The following DUSP26 variants were observed in gnomAD, a reference collection of about 807,000 sequenced individuals.
DUSP26 encodes the protein dual specificity phosphatase 26.
Under a neutral mutation model 20.0 loss-of-function variants are expected in DUSP26, and 12 were observed. That is an observed-to-expected ratio of 0.60 (90% CI 0.38 to 0.97). The LOEUF (loss-of-function observed/expected upper bound fraction) is 0.97, where lower values mean the gene tolerates loss of function less well. Among genes scored for constraint, DUSP26 ranks in the 50% least tolerant of loss-of-function variants. DUSP26 has a pLI of 0.00. For synonymous variants in DUSP26, 120 were observed against 118.8 expected (o/e 1.01, Z -0.06); for missense variants, 230 against 294.0 (o/e 0.78, Z 1.59).
chr8:33,597,755 T>G, intron 1 of DUSP26, 164 bp from the exon 2 acceptor site: 1 of 466,646 alleles, frequency 2.1e-6, no homozygotes, highest in Non-Finnish European at 3.8e-6. Flanking sequence ...AGCAGCTCCT[T>G]TTGCTCAGCT....
At position 33,593,708 on chromosome 8, in the gene DUSP26, G is replaced by A; in HGVS notation, c.261C>T (p.Gly87=). Residue 87 remains glycine (G), a synonymous_variant, in exon 3 of 4, where the codon GGC becomes GGT. Coordinates refer to ENST00000256261, the MANE Select transcript of DUSP26 (RefSeq NM_024025.3). ...ANNRRELRRL[G]ITHVLNASHS... is the part of the protein sequence containing the mutation. ...GTGAGGCATTGAGGACGTGCGTGAT[G>A]CCCAGGCGGCGAAGCTCCCGGCGGT... is the stretch of plus-strand genomic sequence containing the variant. The A allele has an allele frequency of 3.7e-6, 6 of 1,614,200 alleles. No individual in the cohort carries two copies. Among genetic ancestry groups the A allele is most frequent in the Non-Finnish European group, 5.1e-6 (6 of 1,180,038 alleles).
At chr8:33,593,468 G>C in intron 3 of DUSP26, 65 bp downstream of exon 3, 1 of 1,561,966 alleles carries the variant, frequency 6.4e-7, no homozygotes, top group Non-Finnish European at 8.8e-7. Context: ...TCCACTCTCA[G>C]ACCCTTGGAC....
chr8:33,596,369 G>A (rs1423118787), intron 2 of DUSP26, among the ~76,000 whole-genome samples: 1 of 152,138 alleles, frequency 6.6e-6, no homozygotes, highest in African/African-American at 2.4e-5. Context: ...CCTGAGCTCA[G>A]GAGCTCAAGA....
chr8:33,595,920 G>T (rs1402682994), intron 2 of DUSP26, among the ~76,000 whole-genome samples: 1 of 152,288 alleles, frequency 6.6e-6, no homozygotes, highest in East Asian at 1.9e-4. Flanking sequence ...CTCCTCATCT[G>T]TAACCCAGGG....
At position 33,592,030 on chromosome 8, in the gene DUSP26, G is replaced by A; in HGVS notation, c.619C>T (p.Gln207Ter). The change falls in exon 4 of 4, where the codon CAG (glutamine) becomes TAG (stop). Residue 207 changes from glutamine (Q) to a stop codon, truncating the protein, a stop_gained. Coordinates refer to ENST00000256261, the MANE Select transcript of DUSP26 (RefSeq NM_024025.3). LOFTEE classifies it high-confidence loss of function. ...CCCTCCCCTCATGCTTCCAGACCCT[G>A]CCGCAGCCTGCGGTCCAGGGCCAGG... ...QLLALDRRLR[Q>*]GLEA The A allele has an allele frequency of 6.2e-7, 1 of 1,613,606 alleles. No individual in the cohort carries two copies. The highest frequency in any genetic ancestry group is 1.1e-5 in the South Asian group (1 of 91,070).
intron 2 of DUSP26, among the ~76,000 whole-genome samples, chr8:33,597,068 G>A (rs1811161345): frequency 6.6e-6 from 1 of 151,962 alleles, no homozygotes. Context: ...CAAACTGCTG[G>A]GATCACAGGC....
chr8:33,597,384 A>G lies in DUSP26; in HGVS notation c.132T>C (p.Asn44=), dbSNP rs1325108160. 1 of 1,614,142 alleles carries G rather than the reference A, an allele frequency of 6.2e-7. No individual in the cohort carries two copies. The highest frequency in any genetic ancestry group is 8.5e-7 in the Non-Finnish European group (1 of 1,180,038). ...EMPTVQHPFL[N]VFELERLLYT... is the part of the protein sequence containing the mutation. ...AGAGGAGCCGCTCCAACTCGAAGAC[A>G]TTGAGGAAAGGATGTTGAACGGTTG... The change falls in exon 2 of 4, where the codon AAT becomes AAC. Residue 44 remains asparagine (N), a synonymous_variant. Transcript: ENST00000256261.
At chr8:33,592,336 C>T (rs899342016) in intron 3 of DUSP26, 124 bp from the exon 4 acceptor site, 12 of 917,160 alleles carry the variant, frequency 1.3e-5, no homozygotes, top group African/African-American at 5.1e-5. Context: ...TTTTGGAGGC[C>T]GAAGGGGGAA....
chr8:33,599,374 C>T (rs1254489671), intron 1 of DUSP26, among the ~76,000 whole-genome samples: 1 of 152,204 alleles, frequency 6.6e-6, no homozygotes, highest in African/African-American at 2.4e-5. Context: ...AGGGATACAG[C>T]CCTGGGCATT....
In DUSP26 at chr8:33,591,847, C is replaced by T. The variant is rs1246705134; in HGVS notation, c.*166G>A. Reference sequence around the variant, plus strand: ...CACCACACTGCCCAACCTCACTCCCCGTCCCCTCCCACAAAGAGTGACAGT... The same window carrying T: ...CACCACACTGCCCAACCTCACTCCCTGTCCCCTCCCACAAAGAGTGACAGT... On this transcript the variant is annotated 3_prime_UTR_variant, in exon 4 of 4. Coordinates refer to ENST00000256261, the MANE Select transcript of DUSP26 (RefSeq NM_024025.3). 14 of 779,942 alleles carry T rather than the reference C, an allele frequency of 1.8e-5. No individual in the cohort carries two copies. Among genetic ancestry groups the T allele is most frequent in the East Asian group, 1.7e-4 (6 of 36,334 alleles). The allele number at this position is 779,942 out of a possible 1,614,324, so 48.3% of individuals were successfully genotyped here.
chr8:33,594,250 C>A (rs1811090935), intron 2 of DUSP26, among the ~76,000 whole-genome samples: 1 of 151,966 alleles, frequency 6.6e-6, no homozygotes. Flanking sequence ...GATGTTTTGC[C>A]TGGAGAAGAG....
Position 33,597,367 on chromosome 8 carries a change from C to G in DUSP26, c.149G>C (p.Arg50Pro). The G allele has an allele frequency of 6.2e-7, 1 of 1,614,028 alleles. No individual in the cohort carries two copies. The highest frequency in any genetic ancestry group is 8.5e-7 in the Non-Finnish European group (1 of 1,180,026). ...HPFLNVFELE[R>P]LLYTGKTACN... ...GGCTGTCTTGCCTGTGTAGAGGAGC[C>G]GCTCCAACTCGAAGACATTGAGGAA... Residue 50 changes from arginine to proline, a missense_variant, in exon 2 of 4, where the codon CGG (arginine) becomes CCG (proline). Physicochemically the swap from Arg to Pro is moderately radical, Grantham distance 103 (BLOSUM62 -2). Transcript: ENST00000256261.
chr8:33,599,025 TG>T (rs1811211951), intron 1 of DUSP26, among the ~76,000 whole-genome samples: 1 of 152,118 alleles, frequency 6.6e-6, no homozygotes, highest in Non-Finnish European at 1.5e-5. Flanking sequence ...GGACCAGGAT[TG>T]GTGAGGGAAG....
chr8:33,595,123 G>A (rs1287149677), intron 2 of DUSP26, among the ~76,000 whole-genome samples: 1 of 152,136 alleles, frequency 6.6e-6, no homozygotes, highest in Non-Finnish European at 1.5e-5. Flanking sequence ...TGTCCCTGGG[G>A]TATTCAGGCA....
chr8:33,595,186 C>T (rs1027451121), intron 2 of DUSP26, among the ~76,000 whole-genome samples: 2 of 152,152 alleles, frequency 1.3e-5, no homozygotes, highest in Non-Finnish European at 2.9e-5. Flanking sequence ...AAATGAATGT[C>T]AGGCAGATTG....
chr8:33,594,468 T>C (rs2128846497), intron 2 of DUSP26, among the ~76,000 whole-genome samples: 1 of 151,314 alleles, frequency 6.6e-6, no homozygotes, highest in Middle Eastern at 3.5e-3. Flanking sequence ...GGTAGGCGCC[T>C]GTAGTCCCAG....
Position 33,592,213 on chromosome 8 carries a change from C to G in DUSP26, c.437-1G>C. The G allele has an allele frequency of 6.2e-7, 1 of 1,600,720 alleles. No homozygotes were observed. The highest frequency in any genetic ancestry group is 8.5e-7 in the Non-Finnish European group (1 of 1,174,026). On this transcript the variant is annotated splice_acceptor_variant, in intron 3 of 3. Transcript: ENST00000256261. LOFTEE classifies it high-confidence loss of function. ...ACAGCACAATGCACCAGGATCTTCC[C>G]TGAGAGGAGAGACACAGAGAGAGCT...
intron 2 of DUSP26, 128 bp from the exon 3 acceptor site, chr8:33,593,875 T>C: frequency 9.1e-7 from 1 of 1,097,956 alleles, no homozygotes; most frequent in Non-Finnish European, 1.3e-6. Context: ...CTCGCTCTGT[T>C]TCCTAGGCCA....
Position 33,595,383 on chromosome 8 carries a change from T to TG in DUSP26, c.222-1637_222-1636insC, listed in dbSNP as rs1225010078. On this transcript the variant is annotated intron_variant, in intron 2 of 3. Transcript: ENST00000256261. ...TTTGTTGTTGTTGTTGTTGTTTGTT[T>TG]TTTTTTTTGAGATGGTGTCTTGCTC... 9.2e-5 allele frequency among the ~76,000 whole-genome samples: 14 copies of TG among 151,824 alleles called. No individual in the cohort carries two copies. In the East Asian group the frequency reaches 2.3e-3, roughly 25 times the overall value.
Sources: gnomAD v4.1 joint callset for allele counts (sites outside exome capture counted in the v4.1 genomes callset) on GRCh38, gnomAD v4.1.1 for gene constraint, MANE v1.5 for transcripts, NCBI Gene and HGNC (gene_info 2026-07-23, HGNC 2026-07-21) for gene names.